Variants in PTGFR observed in about 807,000 individuals in gnomAD.
PTGFR encodes the protein prostaglandin F receptor.
In PTGFR, 15 loss-of-function variants were observed where a neutral mutation model predicts 26.2. That is an observed-to-expected ratio of 0.57 (90% CI 0.38 to 0.88). The LOEUF (loss-of-function observed/expected upper bound fraction) is 0.88. PTGFR is among the 40% of genes least tolerant of loss of function. The pLI, the probability that PTGFR is intolerant of heterozygous loss-of-function variation, is 0.00. For synonymous variants in PTGFR, 165 were observed against 151.1 expected (o/e 1.09, Z -0.68); for missense variants, 369 against 427.2 (o/e 0.86, Z 1.20).
At position 78,539,268 on chromosome 1, in the gene PTGFR, T is replaced by C. The variant is rs912390534; in HGVS notation, c.*2581T>C. On this transcript the variant is annotated 3_prime_UTR_variant, in exon 3 of 3. Transcript: ENST00000370757. ...TAGATATATTTTGTTATGTGATAAA[T>C]GTTTCTTGTTTGCACACTTTTGGAC... The C allele has an allele frequency of 6.6e-6, 1 of 152,014 alleles. No homozygotes were observed. The highest frequency in any genetic ancestry group is 1.5e-5 in the Non-Finnish European group (1 of 67,974). 9.4% of individuals were successfully genotyped at this position (152,014 alleles called of 1,614,324 possible). A position where few individuals can be genotyped will look rare whatever the true frequency, so the allele number is the denominator to read the frequency against.
chr1:78,512,089 G>A (rs1355126868), intron 2 of PTGFR, among the ~76,000 whole-genome samples: 2 of 151,292 alleles, frequency 1.3e-5, no homozygotes, highest in Non-Finnish European at 3.0e-5. Flanking sequence ...TTTCCATTAG[G>A]TTGTGATTTT....
intron 2 of PTGFR, among the ~76,000 whole-genome samples, chr1:78,530,483 T>G (rs1360265863): frequency 6.6e-6 from 1 of 152,160 alleles, no homozygotes; most frequent in African/African-American, 2.4e-5. Flanking sequence ...ACTAGAATCA[T>G]AGAGAATTAA....
At chr1:78,495,966 A>T (rs10489787) in intron 2 of PTGFR, among the ~76,000 whole-genome samples, 33,113 of 152,180 alleles carry the variant, frequency 0.22, 3,768 homozygotes, top group Non-Finnish European at 0.24. Context: ...TCAATACTTT[A>T]AGCATGAAAA....
chr1:78,531,274 A>G (rs1389589879), intron 2 of PTGFR, among the ~76,000 whole-genome samples: 3 of 152,158 alleles, frequency 2.0e-5, no homozygotes, highest in Non-Finnish European at 4.4e-5. Context: ...AGCTTCTTTA[A>G]ACAAGAGCAA....
intron 2 of PTGFR, chr1:78,497,732 T>C: frequency 4.7e-6 from 3 of 633,762 alleles, no homozygotes; most frequent in Non-Finnish European, 8.4e-6. Flanking sequence ...TTCTGAGTTT[T>C]GTAGGTTAAC....
intron 2 of PTGFR, among the ~76,000 whole-genome samples, chr1:78,533,583 C>G (rs1466020838): frequency 1.3e-5 from 2 of 152,164 alleles, no homozygotes; most frequent in Admixed American, 6.5e-5. Flanking sequence ...CCATCTAGCA[C>G]GATGCCTACA....
intron 2 of PTGFR, among the ~76,000 whole-genome samples, chr1:78,496,463 T>C (rs1411503592): frequency 6.6e-6 from 1 of 152,168 alleles, no homozygotes; most frequent in Non-Finnish European, 1.5e-5. Context: ...CTTTTCTCTC[T>C]GATTAACTGT....
intron 2 of PTGFR, among the ~76,000 whole-genome samples, chr1:78,514,213 A>T (rs1435573971): frequency 6.6e-6 from 1 of 152,162 alleles, no homozygotes; most frequent in Non-Finnish European, 1.5e-5. Flanking sequence ...GTGGCTGAAA[A>T]TGCCACAGGC....
chr1:78,520,981 G>A (rs191165192), intron 2 of PTGFR, among the ~76,000 whole-genome samples: 1 of 152,198 alleles, frequency 6.6e-6, no homozygotes, highest in Non-Finnish European at 1.5e-5. Flanking sequence ...CATGCAGGGG[G>A]AGGAAATCTG....
intron 2 of PTGFR, among the ~76,000 whole-genome samples, chr1:78,524,930 T>C (rs1650335535): frequency 1.8e-5 from 2 of 114,252 alleles, no homozygotes; most frequent in African/African-American, 6.4e-5. Context: ...TTTTTTTTTT[T>C]TTTTTTTTTT....
At chr1:78,528,579 G>T (rs569422745) in intron 2 of PTGFR, among the ~76,000 whole-genome samples, 1 of 152,078 alleles carries the variant, frequency 6.6e-6, no homozygotes, top group Non-Finnish European at 1.5e-5. Flanking sequence ...TGGTCTTCTA[G>T]TATCTTTGCA....
chr1:78,511,337 A>G lies in PTGFR; in HGVS notation c.798+17796A>G, dbSNP rs369839324. 3.3e-4 allele frequency among the ~76,000 whole-genome samples: 51 copies of G among 152,334 alleles called. No individual in the cohort carries two copies. The South Asian group carries it at 0.011, about 32-fold the overall frequency. ...ATATATTCCCTGAAATCCAGGGGGA[A>G]GTCACCAAACCTCCTTCACTTCTGC... On this transcript the variant is annotated intron_variant, in intron 2 of 2. Coordinates refer to ENST00000370757, the MANE Select transcript of PTGFR (RefSeq NM_000959.4).
rs1198676099 is a variant in PTGFR, at chr1:78,539,031, A to G, written c.*2344A>G. On this transcript the variant is annotated 3_prime_UTR_variant, in exon 3 of 3. Transcript: ENST00000370757. ...AAAAAGATGAGACAAAAGCAAAAATATCACACATAGGTTTTTATGACTATG... is the reference window on the plus strand; with the variant it reads ...AAAAAGATGAGACAAAAGCAAAAATGTCACACATAGGTTTTTATGACTATG... 6.6e-6 allele frequency: 1 copy of G among 151,828 alleles called. No individual in the cohort carries two copies. The highest frequency in any genetic ancestry group is 2.4e-5 in the African/African-American group (1 of 41,330). 9.4% of individuals were successfully genotyped at this position (151,828 alleles called of 1,614,324 possible). A position where few individuals can be genotyped will look rare whatever the true frequency, so the allele number is the denominator to read the frequency against.
Position 78,497,985 on chromosome 1 carries a change from A to T in PTGFR, c.798+4444A>T, listed in dbSNP as rs780995348. ...AAATGTGTTCTCTTGCAAATGTAGAATTGGAGCTTGATTTTCCTAAGGTTA... is the reference window on the plus strand; with the variant it reads ...AAATGTGTTCTCTTGCAAATGTAGATTTGGAGCTTGATTTTCCTAAGGTTA... On this transcript the variant is annotated intron_variant, in intron 2 of 2. Transcript: ENST00000370757. 1.1e-5 allele frequency: 16 copies of T among 1,435,034 alleles called. No homozygotes were observed. The South Asian group carries it at 1.8e-4, about 16-fold the overall frequency. 88.9% of individuals were successfully genotyped at this position (1,435,034 alleles called of 1,614,324 possible). A position where few individuals can be genotyped will look rare whatever the true frequency, so the allele number is the denominator to read the frequency against.
In PTGFR at chr1:78,502,122, T is replaced by C. The variant is rs575230372; in HGVS notation, c.798+8581T>C. ...CTCCAAGTTTCAAATTATAGGTCCT[T>C]ACTTCACTATCTCATCAGAAGTAAA... On this transcript the variant is annotated intron_variant, in intron 2 of 2. Transcript: ENST00000370757. 3.3e-5 allele frequency among the ~76,000 whole-genome samples: 5 copies of C among 152,320 alleles called. No homozygotes were observed. The South Asian group carries it at 1.0e-3, about 32-fold the overall frequency.
chr1:78,505,843 C>T (rs1207037134), intron 2 of PTGFR, among the ~76,000 whole-genome samples: 1 of 151,738 alleles, frequency 6.6e-6, no homozygotes. Flanking sequence ...GGTTCATCTA[C>T]ATCTACACTG....
At chr1:78,528,908 C>T (rs375939741) in intron 2 of PTGFR, among the ~76,000 whole-genome samples, 132 of 152,118 alleles carry the variant, frequency 8.7e-4, no homozygotes, top group African/African-American at 3.2e-3. Flanking sequence ...ATGCTGAGAC[C>T]GTGAACTAAT....
chr1:78,525,759 A>G (rs1650356025), intron 2 of PTGFR, among the ~76,000 whole-genome samples: 2 of 152,054 alleles, frequency 1.3e-5, no homozygotes, highest in African/African-American at 4.8e-5. Flanking sequence ...TCACCACATT[A>G]ACAGAAATTG....
chr1:78,519,217 A>G (rs1033423170), intron 2 of PTGFR, among the ~76,000 whole-genome samples: 4 of 152,000 alleles, frequency 2.6e-5, no homozygotes, highest in African/African-American at 9.7e-5. Context: ...CTATACTTGA[A>G]CCTCTCCTCC....
Sources: allele counts gnomAD v4.1 joint callset (sites outside exome capture counted in the v4.1 genomes callset), GRCh38; gene constraint gnomAD v4.1.1; transcripts MANE v1.5; gene names NCBI Gene and HGNC (gene_info 2026-07-23, HGNC 2026-07-21).